FAM227A: variants seen among roughly 807,000 people sequenced by gnomAD.
FAM227A encodes family with sequence similarity 227 member A, also known as protein FAM227A.
Under a neutral mutation model 74.7 loss-of-function variants are expected in FAM227A, and 80 were observed. The observed-to-expected ratio is 1.07, with a 90% CI of 0.89 to 1.29. The LOEUF (loss-of-function observed/expected upper bound fraction) is 1.29, where lower values mean the gene tolerates loss of function less well. Among genes scored for constraint, FAM227A ranks in the 50% most tolerant of loss-of-function variants. The pLI, the probability that FAM227A is intolerant of heterozygous loss-of-function variation, is 0.00. For synonymous variants in FAM227A, 237 were observed against 241.8 expected, an observed-to-expected ratio of 0.98 and a Z score of 0.19; for missense variants, 654 against 683.4, an observed-to-expected ratio of 0.96 and a Z score of 0.48.
rs1342396022 is a variant in FAM227A at position 38,586,156 on chromosome 22, T to TC, written c.1681dup (p.Glu561GlyfsTer17). On this transcript the variant is annotated frameshift_variant, in exon 17 of 17. Transcript: ENST00000535113. LOFTEE classifies it low-confidence loss of function (END_TRUNC). Reference sequence around the variant, plus strand: ...CTTGGAAGTGAGTGGAAAGAAATGTTCAACTTCTGTTTCTCTTCTCTTTCC... The same window carrying TC: ...CTTGGAAGTGAGTGGAAAGAAATGTTCCAACTTCTGTTTCTCTTCTCTTTCC... 2.6e-6 allele frequency: 4 copies of TC among 1,551,748 alleles called. No individual in the cohort carries two copies. The highest frequency in any genetic ancestry group is 2.6e-6 in the Non-Finnish European group (3 of 1,147,030).
In FAM227A at chr22:38,591,520, G is replaced by C; in HGVS notation, c.1553C>G (p.Pro518Arg). Reference sequence around the variant, plus strand: ...TGCCTTTTTTGTATCTGCTGCTTTTGGATCAATATTCTTCATTTCCCTGGG... The same window carrying C: ...TGCCTTTTTTGTATCTGCTGCTTTTCGATCAATATTCTTCATTTCCCTGGG... ...NFSREMKNID[P>R]KAADTKKANH... The change falls in exon 16 of 17, where the codon CCA (proline) becomes CGA (arginine). Residue 518 changes from proline (P) to arginine (R), a missense_variant. Pro to Arg is a moderately radical substitution (Grantham distance 103). Coordinates refer to ENST00000535113, the MANE Select transcript of FAM227A (RefSeq NM_001013647.2). 1 of 1,544,434 alleles carries C rather than the reference G, an allele frequency of 6.5e-7. No individual in the cohort carries two copies. The highest frequency in any genetic ancestry group is 2.5e-5 in the East Asian group (1 of 40,670).
intron 6 of FAM227A, among the ~76,000 whole-genome samples, chr22:38,631,389 G>T (rs1480342939): frequency 2.0e-5 from 3 of 152,086 alleles, no homozygotes; most frequent in African/African-American, 7.2e-5. Context: ...ACTCTCAAAA[G>T]GGGGAGGATG....
chr22:38,627,917 A>G (rs918318917), intron 8 of FAM227A, among the ~76,000 whole-genome samples: 1 of 152,034 alleles, frequency 6.6e-6, no homozygotes, highest in Non-Finnish European at 1.5e-5. Flanking sequence ...AAAGTTTCTT[A>G]TAACCTCACT....
At chr22:38,609,622 T>A (rs1298501136) in intron 11 of FAM227A, among the ~76,000 whole-genome samples, 2 of 152,150 alleles carry the variant, frequency 1.3e-5, no homozygotes. Context: ...AATGGGATAT[T>A]TGAATGGGCA....
chr22:38,632,785 C>T (rs976389217), intron 6 of FAM227A, among the ~76,000 whole-genome samples: 1 of 152,122 alleles, frequency 6.6e-6, no homozygotes, highest in African/African-American at 2.4e-5. Flanking sequence ...GAGTTGTCCT[C>T]TGGGTCAGTT....
At chr22:38,613,061 ATGTAAATATATTATATATAATT>A (rs2091451079) in intron 11 of FAM227A, among the ~76,000 whole-genome samples, 1 of 108,166 alleles carries the variant, frequency 9.2e-6, no homozygotes, top group African/African-American at 3.6e-5. Context: ...TATTATATAT[ATGTAAATATATTATATATAATT>A]ATATATATAT....
At chr22:38,647,360 G>GC (rs1254305124) in intron 2 of FAM227A, among the ~76,000 whole-genome samples, 8 of 151,844 alleles carry the variant, frequency 5.3e-5, no homozygotes, top group Non-Finnish European at 1.5e-5. Context: ...AGCTACTTGA[G>GC]CGCTGAGGCA....
chr22:38,638,105 C>T lies in FAM227A; in HGVS notation c.372+641G>A, dbSNP rs144158863. ...ACTTGAACCCTGGGGGCGGAGGTTG[C>T]AGTAAGCTGAGATCGTGCCACTGCA... is the stretch of plus-strand genomic sequence containing the variant. On this transcript the variant is annotated intron_variant, in intron 5 of 16. Coordinates refer to ENST00000535113, the MANE Select transcript of FAM227A (RefSeq NM_001013647.2). Among the ~76,000 whole-genome samples, 720 of 152,256 alleles carry T rather than the reference C, an allele frequency of 4.7e-3. 8 individuals carry two copies. The highest frequency in any genetic ancestry group is 0.016 in the African/African-American group (676 of 41,548).
chr22:38,618,268 C>T (rs1178339270), intron 11 of FAM227A: 2 of 152,186 alleles, frequency 1.3e-5, no homozygotes, highest in East Asian at 1.9e-4. Context: ...TGAAGGTGTC[C>T]CCACTTCCCA....
intron 6 of FAM227A, among the ~76,000 whole-genome samples, chr22:38,634,947 A>G (rs76434494): frequency 0.019 from 2,892 of 152,234 alleles, 105 homozygotes; most frequent in African/African-American, 0.066. Context: ...GGAAGAAGCC[A>G]TGAAGAAGAG....
At position 38,584,787 on chromosome 22, in the gene FAM227A, A is replaced by G. The variant is rs777214960; in HGVS notation, c.*1338T>C. On this transcript the variant is annotated 3_prime_UTR_variant, in exon 17 of 17. Transcript: ENST00000535113. ...TGCCTCTAAAAAATTTAATTTAGTT[A>G]AAATTAATTAAAAAAAATTTTTTTT... 10 of 152,086 alleles carry G rather than the reference A, an allele frequency of 6.6e-5. No homozygotes were observed. The highest frequency in any genetic ancestry group is 1.2e-4 in the Non-Finnish European group (8 of 68,056). The allele number at this position is 152,086 out of a possible 1,614,324, so 9.4% of individuals were successfully genotyped here. A position where few individuals can be genotyped will look rare whatever the true frequency, so the allele number is the denominator to read the frequency against.
chr22:38,639,743 AG>A lies in FAM227A; in HGVS notation c.226-20del. ...CAATTGCCTTCAAAAACCAAGAAAAAGGGGGGCATTAGGGATTAATGCAAAT... is the reference window on the plus strand; with the variant it reads ...CAATTGCCTTCAAAAACCAAGAAAAAGGGGGCATTAGGGATTAATGCAAAT... On this transcript the variant is annotated intron_variant, in intron 3 of 16. Transcript: ENST00000535113. 17 of 1,496,066 alleles carry A rather than the reference AG, an allele frequency of 1.1e-5. No homozygotes were observed. Among genetic ancestry groups the A allele is most frequent in the Non-Finnish European group, 1.6e-5 (17 of 1,096,284 alleles). 92.7% of individuals were successfully genotyped at this position (1,496,066 alleles called of 1,614,324 possible).
intron 15 of FAM227A, 120 bp downstream of exon 15, chr22:38,597,084 T>A (rs1346496163): frequency 2.3e-6 from 2 of 861,780 alleles, no homozygotes; most frequent in African/African-American, 1.7e-5. Flanking sequence ...GAAAGCTGAT[T>A]ATGCTTATGA....
chr22:38,583,136 CAG>C lies in FAM227A; in HGVS notation c.*2987_*2988del. 1.7e-6 allele frequency: 1 copy of C among 578,284 alleles called. No individual in the cohort carries two copies. Among genetic ancestry groups the C allele is most frequent in the South Asian group, 2.3e-5 (1 of 43,586 alleles). 35.8% of individuals were successfully genotyped at this position (578,284 alleles called of 1,614,324 possible). A position where few individuals can be genotyped will look rare whatever the true frequency, so the allele number is the denominator to read the frequency against. ...GCCCCACATGGTGCCTTGTACTCGGCAGGTGCTCACACGTTCTGGTTTCAGAA... is the reference window on the plus strand; with the variant it reads ...GCCCCACATGGTGCCTTGTACTCGGCGTGCTCACACGTTCTGGTTTCAGAA... On this transcript the variant is annotated 3_prime_UTR_variant, in exon 17 of 17. Coordinates refer to ENST00000535113, the MANE Select transcript of FAM227A (RefSeq NM_001013647.2).
chr22:38,626,196 C>T lies in FAM227A; in HGVS notation c.834G>A (p.Met278Ile), dbSNP rs554466121. ...HEFKSDICNT[M>I]SLWISGTYPS... ...ACCTCTCACCTGAAATCCACAGGCT[C>T]ATTGTGTTACAGATGTCAGACTTGA... The change falls in exon 9 of 17, where the codon ATG becomes ATA. Residue 278 changes from methionine to isoleucine, a missense_variant. Coordinates refer to ENST00000535113, the MANE Select transcript of FAM227A (RefSeq NM_001013647.2). The T allele has an allele frequency of 5.2e-6, 8 of 1,551,564 alleles. No homozygotes were observed. In the South Asian group the frequency reaches 6.0e-5, roughly 12 times the overall value.
rs138823795 is a variant in FAM227A, at chr22:38,623,249, C to A, written c.881G>T (p.Ser294Ile). ...GTYPSPQSYDSWDYSELDPER... is the reference protein window; with the variant it reads ...GTYPSPQSYDIWDYSELDPER... The stretch of plus-strand genomic sequence containing the variant: ...TGGGTCTAGTTCCGAGTAGTCCCAG[C>A]TGTCATAGCTCTGTGGGCTAGGATA... The change falls in exon 10 of 17, where the codon AGC (serine) becomes ATC (isoleucine). Residue 294 changes from serine (S) to isoleucine (I), a missense_variant. Ser to Ile is a moderately radical substitution (Grantham distance 142, BLOSUM62 -2). Coordinates refer to ENST00000535113, the MANE Select transcript of FAM227A (RefSeq NM_001013647.2). The A allele has an allele frequency of 1.7e-5, 26 of 1,551,550 alleles. No homozygotes were observed. In the African/African-American group the frequency reaches 2.7e-4, roughly 16 times the overall value.
Position 38,582,396 on chromosome 22 carries a change from G to C in FAM227A, c.*3729C>G. 1 of 1,550,420 alleles carries C rather than the reference G, an allele frequency of 6.4e-7. No individual in the cohort carries two copies. The highest frequency in any genetic ancestry group is 1.2e-5 in the South Asian group (1 of 84,028). ...TCCATGCTGAGAGTATGGGTTTTCA[G>C]CAACACTGGGAATGACAGAATTAGA... On this transcript the variant is annotated 3_prime_UTR_variant, in exon 17 of 17. Transcript: ENST00000535113.
chr22:38,608,500 G>A (rs566027501), intron 11 of FAM227A, among the ~76,000 whole-genome samples: 1 of 151,776 alleles, frequency 6.6e-6, no homozygotes, highest in South Asian at 2.1e-4. Flanking sequence ...GCACGATCTC[G>A]GCTCACTGCA....
intron 10 of FAM227A, among the ~76,000 whole-genome samples, chr22:38,620,913 T>A (rs2091676135): frequency 6.6e-6 from 1 of 152,110 alleles, no homozygotes. Flanking sequence ...AATTCAGAGC[T>A]CTGCAAAATT....
Sources: allele counts gnomAD v4.1 joint callset (sites outside exome capture counted in the v4.1 genomes callset), GRCh38; gene constraint gnomAD v4.1.1; transcripts MANE v1.5; gene names NCBI Gene and HGNC (gene_info 2026-07-23, HGNC 2026-07-21).